Variants in C2CD2L observed in about 807,000 individuals in gnomAD.
The protein encoded by C2CD2L is C2CD2 like.
A neutral mutation model predicts 69.9 loss-of-function variants in C2CD2L; 24 were observed. That is an observed-to-expected ratio of 0.34 (90% confidence interval 0.25 to 0.48). The LOEUF is 0.48. Ranked by LOEUF, C2CD2L falls within the 20% of genes least tolerant of loss-of-function variation. C2CD2L has a pLI of 0.99. For synonymous variants in C2CD2L, 367 were observed against 391.0 expected (o/e 0.94, Z 0.72); for missense variants, 811 against 941.5 (o/e 0.86, Z 1.81).
chr11:119,113,015 C>A lies in C2CD2L; in HGVS notation c.1387+141C>A, dbSNP rs900131961. 5.8e-6 allele frequency: 4 copies of A among 690,228 alleles called. No homozygotes were observed. The African/African-American group carries it at 7.2e-5, about 12-fold the overall frequency. The allele number at this position is 690,228 out of a possible 1,614,324, so 42.8% of individuals were successfully genotyped here. ...TTCCATTCCAGTCCTACCACATCTT[C>A]CTCCCAATCTTTGTCTCTTCCAAAC... is the stretch of plus-strand genomic sequence containing the variant. On this transcript the variant is annotated intron_variant, in intron 10 of 13. Coordinates refer to ENST00000648610, the MANE Select transcript of C2CD2L (RefSeq NM_001290474.2).
chr11:119,114,310 G>A lies in C2CD2L; in HGVS notation c.1854G>A (p.Glu618=). ...AGAGGCCATCTGTGGATGATATTGA[G>A]TCGGAAACGGGGTCCACTGGTGCCC... is the stretch of plus-strand genomic sequence containing the variant. ...ISERPSVDDI[E]SETGSTGALE... The change falls in exon 13 of 14, where the codon GAG becomes GAA. Residue 618 remains glutamate, a synonymous_variant. Transcript: ENST00000648610. The surrounding 1 kb of genome is among the most constrained non-coding windows in gnomAD (Gnocchi z 5.1). 1 of 1,614,192 alleles carries A rather than the reference G, an allele frequency of 6.2e-7. No homozygotes were observed. The highest frequency in any genetic ancestry group is 8.5e-7 in the Non-Finnish European group (1 of 1,180,030).
rs3741333 is a variant in C2CD2L at position 119,116,262 on chromosome 11, C to T, written c.*6C>T. 0.072 allele frequency: 115,399 copies of T among 1,608,348 alleles called. 7,104 individuals are homozygous for T. Among genetic ancestry groups the T allele is most frequent in the South Asian group, 0.28 (25,723 of 90,984 alleles). On this transcript the variant is annotated 3_prime_UTR_variant, in exon 14 of 14. Coordinates refer to ENST00000648610, the MANE Select transcript of C2CD2L (RefSeq NM_001290474.2). ...ACCCCAGCCCCCAGCTCTGAGGACC[C>T]AGCTCTGAAAGGGCACGAGTTCTCT...
Position 119,110,193 on chromosome 11 carries a change from T to C in C2CD2L, c.444T>C (p.His148=). The C allele has an allele frequency of 6.2e-7, 1 of 1,611,598 alleles. No homozygotes were observed. Among genetic ancestry groups the C allele is most frequent in the Non-Finnish European group, 8.5e-7 (1 of 1,177,718 alleles). Residue 148 remains histidine, a synonymous_variant, in exon 2 of 14, where the codon CAT becomes CAC. Coordinates refer to ENST00000648610, the MANE Select transcript of C2CD2L (RefSeq NM_001290474.2). The surrounding 1 kb of genome is among the most constrained non-coding windows in gnomAD (Gnocchi z 5.7). ...SHVTCVDQSE[H]TMVLRCQLSA... ...TGACCTGCGTAGACCAATCTGAGCA[T>C]ACCATGGTAAGGGTCTGATGGGCAC...
chr11:119,113,411 A>G, intron 10 of C2CD2L, 200 bp from the exon 11 acceptor site: 3 of 691,258 alleles, frequency 4.3e-6, no homozygotes, highest in Non-Finnish European at 7.1e-6. Flanking sequence ...AGCAGGCCCC[A>G]TGGCACTTTC....
chr11:119,109,225 C>T lies in C2CD2L; in HGVS notation c.355-879C>T, dbSNP rs1946671357. Among the ~76,000 whole-genome samples, 1 of 152,194 alleles carries T rather than the reference C, an allele frequency of 6.6e-6. No homozygotes were observed. Among genetic ancestry groups the T allele is most frequent in the African/African-American group, 2.4e-5 (1 of 41,440 alleles). ...CTACCAGAGCAAAGGAGTTGGCTTC[C>T]CCTGGTTTGCCAAGCAAATGAACCC... On this transcript the variant is annotated intron_variant, in intron 1 of 13. Transcript: ENST00000648610. This position sits in a 1 kb window ranked among gnomAD's most constrained non-coding sequence, Gnocchi z 5.1.
Position 119,112,780 on chromosome 11 carries a change from G to A in C2CD2L, c.1293G>A (p.Lys431=), listed in dbSNP as rs1946784606. The A allele has an allele frequency of 6.2e-7, 1 of 1,613,966 alleles. No homozygotes were observed. Among genetic ancestry groups the A allele is most frequent in the Non-Finnish European group, 8.5e-7 (1 of 1,179,970 alleles). Reference sequence around the variant, plus strand: ...CACGCCCCAGCATCACACCTACCAAGAAGATTGAGCTTGACCGGACCATCA... The same window carrying A: ...CACGCCCCAGCATCACACCTACCAAAAAGATTGAGCTTGACCGGACCATCA... The part of the protein sequence containing the change: ...STPRPSITPT[K]KIELDRTIMP... The change falls in exon 10 of 14, where the codon AAG becomes AAA. Residue 431 remains lysine, a synonymous_variant. Coordinates refer to ENST00000648610, the MANE Select transcript of C2CD2L (RefSeq NM_001290474.2).
chr11:119,115,867 T>C (rs2134975696), intron 13 of C2CD2L, 178 bp from the exon 14 acceptor site: 1 of 601,764 alleles, frequency 1.7e-6, no homozygotes, highest in African/African-American at 1.8e-5. Flanking sequence ...TTTTCTTTTT[T>C]TCACGAAGCC....
chr11:119,117,849 A>G lies in C2CD2L; in HGVS notation c.*1593A>G, dbSNP rs546523698. ...CAAACCAAGTGATCTTGAGCAGGCA[A>G]CTTCTCCTTTGGGGACCTCAGTTTC... On this transcript the variant is annotated 3_prime_UTR_variant, in exon 14 of 14. Transcript: ENST00000648610. 3 of 152,316 alleles carry G rather than the reference A, an allele frequency of 2.0e-5. No individual in the cohort carries two copies. The South Asian group carries it at 6.2e-4, about 32-fold the overall frequency. 9.4% of individuals were successfully genotyped at this position (152,316 alleles called of 1,614,324 possible).
intron 13 of C2CD2L, 56 bp from the exon 14 acceptor site, chr11:119,115,989 C>G (rs776697385): frequency 7.0e-7 from 1 of 1,435,832 alleles, no homozygotes; most frequent in Non-Finnish European, 9.7e-7. Context: ...GTCTCTGCCC[C>G]CGTCTCACCC....
At chr11:119,106,851 T>C (rs1328275275), upstream of C2CD2L, 2 of 152,270 alleles carry the variant, frequency 1.3e-5, no homozygotes, top group African/African-American at 4.8e-5. Flanking sequence ...AAATTCGGTG[T>C]TCTACTCTCA....
chr11:119,104,118 A>G (rs1946550326), upstream of C2CD2L, among the ~76,000 whole-genome samples: 1 of 152,190 alleles, frequency 6.6e-6, no homozygotes, highest in Admixed American at 6.5e-5. Flanking sequence ...TCAGTAGATT[A>G]TAAGAGTAGA....
Position 119,111,324 on chromosome 11 carries a change from G to T in C2CD2L, c.860G>T (p.Arg287Leu). 6.2e-7 allele frequency: 1 copy of T among 1,614,204 alleles called. No individual in the cohort carries two copies. The highest frequency in any genetic ancestry group is 8.5e-7 in the Non-Finnish European group (1 of 1,180,030). ...CAGCCAGCCATCCCCAGACCTAACCGGTTATTCCTACGGCAGCTTCGGGCA... is the reference window on the plus strand; with the variant it reads ...CAGCCAGCCATCCCCAGACCTAACCTGTTATTCCTACGGCAGCTTCGGGCA... ...QAQPAIPRPN[R>L]LFLRQLRASH... Residue 287 changes from arginine to leucine, a missense_variant, in exon 6 of 14, where the codon CGG (arginine) becomes CTG (leucine). Arg to Leu is a moderately radical substitution (Grantham distance 102, BLOSUM62 -2). Coordinates refer to ENST00000648610, the MANE Select transcript of C2CD2L (RefSeq NM_001290474.2).
intron 1 of C2CD2L, 112 bp downstream of exon 1, chr11:119,108,207 T>C: frequency 1.6e-6 from 1 of 643,594 alleles, no homozygotes. Context: ...GGGAACCCTA[T>C]GGCTTCTCTT....
At position 119,113,680 on chromosome 11, in the gene C2CD2L, G is replaced by A. The variant is rs1224094858; in HGVS notation, c.1457G>A (p.Ser486Asn). The change falls in exon 11 of 14, where the codon AGT becomes AAT. Residue 486 changes from serine to asparagine, a missense_variant. Coordinates refer to ENST00000648610, the MANE Select transcript of C2CD2L (RefSeq NM_001290474.2). ...EKTTTVLSES[S>N]GPSNTSHSSS... The stretch of plus-strand genomic sequence containing the variant: ...ACGACAACTGTGCTGAGTGAGAGCA[G>A]TGGCCCCAGCAATACCTCCCATAGC... The A allele has an allele frequency of 1.2e-6, 2 of 1,613,868 alleles. No individual in the cohort carries two copies. Among genetic ancestry groups the A allele is most frequent in the Non-Finnish European group, 1.7e-6 (2 of 1,179,982 alleles).
Position 119,114,485 on chromosome 11 carries a change from C to A in C2CD2L, c.1909+120C>A. 1 of 1,005,294 alleles carries A rather than the reference C, an allele frequency of 9.9e-7. No individual in the cohort carries two copies. Among genetic ancestry groups the A allele is most frequent in the Non-Finnish European group, 1.5e-6 (1 of 677,196 alleles). The allele number at this position is 1,005,294 out of a possible 1,614,324, so 62.3% of individuals were successfully genotyped here. A position where few individuals can be genotyped will look rare whatever the true frequency, so the allele number is the denominator to read the frequency against. ...CCTAAGAGATAGCCGGATTCCCAGCCTAGTTCAGCCAAGCTAGCCTAGAGG... is the reference window on the plus strand; with the variant it reads ...CCTAAGAGATAGCCGGATTCCCAGCATAGTTCAGCCAAGCTAGCCTAGAGG... On this transcript the variant is annotated intron_variant, in intron 13 of 13. Transcript: ENST00000648610. The surrounding 1 kb of genome is among the most constrained non-coding windows in gnomAD (Gnocchi z 5.1).
chr11:119,106,670 G>A (rs942399219), upstream of C2CD2L: 13 of 152,186 alleles, frequency 8.5e-5, no homozygotes, highest in African/African-American at 3.1e-4. Flanking sequence ...CCCTCTACAC[G>A]TGCTCCATAG....
upstream of C2CD2L, among the ~76,000 whole-genome samples, chr11:119,105,558 C>T (rs2134928460): frequency 6.6e-6 from 1 of 151,302 alleles, no homozygotes; most frequent in South Asian, 2.1e-4. Flanking sequence ...GAGAATCACT[C>T]AAACCTGGGA....
intron 10 of C2CD2L, 46 bp downstream of exon 10, chr11:119,112,920 G>A (rs770019713): frequency 6.5e-7 from 1 of 1,544,108 alleles, no homozygotes; most frequent in Non-Finnish European, 8.9e-7. Flanking sequence ...AGGGGCCCGG[G>A]ACTGCAGACC....
In C2CD2L at chr11:119,114,316, A is replaced by C. The variant is rs2134969949; in HGVS notation, c.1860A>C (p.Glu620Asp). 1 of 1,614,162 alleles carries C rather than the reference A, an allele frequency of 6.2e-7. No homozygotes were observed. The highest frequency in any genetic ancestry group is 1.1e-5 in the South Asian group (1 of 91,090). The change falls in exon 13 of 14, where the codon GAA becomes GAC. Residue 620 changes from glutamate to aspartate, a missense_variant. Physicochemically the swap from Glu to Asp is conservative, Grantham distance 45. Coordinates refer to ENST00000648610, the MANE Select transcript of C2CD2L (RefSeq NM_001290474.2). This position sits in a 1 kb window ranked among gnomAD's most constrained non-coding sequence, Gnocchi z 5.1. ...ERPSVDDIES[E>D]TGSTGALETR... The stretch of plus-strand genomic sequence containing the variant: ...CATCTGTGGATGATATTGAGTCGGA[A>C]ACGGGGTCCACTGGTGCCCTGGAGA...
Sources: gnomAD v4.1 joint callset for allele counts (sites outside exome capture counted in the v4.1 genomes callset) on GRCh38, gnomAD v4.1.1 for gene constraint, Gnocchi (gnomAD v3.1) non-coding constraint, MANE v1.5 for transcripts, NCBI Gene and HGNC (gene_info 2026-07-23, HGNC 2026-07-21) for gene names.